CFDP1: variants seen among roughly 807,000 people sequenced by gnomAD.
CFDP1 encodes the protein chromatin remodeling protein CFDP1, also known as heterochromatin-stabilizing protein CFDP1.
Under a neutral mutation model 40.1 loss-of-function variants are expected in CFDP1, and 31 were observed. The observed-to-expected ratio is 0.77, with a 90% CI of 0.58 to 1.04. CFDP1 has a LOEUF of 1.04. CFDP1 is among the 50% of genes least tolerant of loss of function. The pLI, the probability that CFDP1 is intolerant of heterozygous loss-of-function variation, is 0.00. For synonymous variants in CFDP1, 167 were observed against 120.0 expected (o/e 1.39, Z -2.56); for missense variants, 423 against 343.4 (o/e 1.23, Z -1.83).
At chr16:75,309,075 A>G (rs1222684652) in intron 5 of CFDP1, among the ~76,000 whole-genome samples, 2 of 152,180 alleles carry the variant, frequency 1.3e-5, no homozygotes, top group African/African-American at 4.8e-5. Context: ...TGAATGACAC[A>G]CTGATAGCAG....
At chr16:75,334,934 G>A (rs773052180) in intron 5 of CFDP1, among the ~76,000 whole-genome samples, 11 of 150,290 alleles carry the variant, frequency 7.3e-5, no homozygotes, top group African/African-American at 1.2e-4. Context: ...CAGCCTGGGC[G>A]ACAAAGCGAG....
chr16:75,328,640 C>A (rs1597334483), intron 5 of CFDP1, among the ~76,000 whole-genome samples: 2 of 137,912 alleles, frequency 1.5e-5, no homozygotes, highest in African/African-American at 2.7e-5. Context: ...TGGAGGAAGT[C>A]AATAAATACT....
chr16:75,420,989 T>G (rs2079272734), intron 1 of CFDP1, among the ~76,000 whole-genome samples: 1 of 152,206 alleles, frequency 6.6e-6, no homozygotes. Context: ...TAGATGCACA[T>G]GACTCTGGAT....
chr16:75,376,744 T>C (rs1386285747), intron 5 of CFDP1, among the ~76,000 whole-genome samples: 1 of 151,916 alleles, frequency 6.6e-6, no homozygotes, highest in Admixed American at 6.6e-5. Context: ...CTAAAACAGG[T>C]ATGGGGCAGA....
At chr16:75,313,678 C>T (rs1036154068) in intron 5 of CFDP1, among the ~76,000 whole-genome samples, 7 of 152,202 alleles carry the variant, frequency 4.6e-5, no homozygotes, top group Non-Finnish European at 1.0e-4. Context: ...TCCACTCTTG[C>T]TTCTGAGGGA....
At chr16:75,379,262 G>A (rs536711582) in intron 5 of CFDP1, among the ~76,000 whole-genome samples, 24 of 151,502 alleles carry the variant, frequency 1.6e-4, no homozygotes, top group African/African-American at 5.8e-4. Context: ...AAAACATAAA[G>A]GGAAAGATCA....
In CFDP1 at chr16:75,433,367, A is replaced by T; in HGVS notation, c.-15T>A. 1 of 1,582,084 alleles carries T rather than the reference A, an allele frequency of 6.3e-7. No individual in the cohort carries two copies. Among genetic ancestry groups the T allele is most frequent in the African/African-American group, 1.3e-5 (1 of 74,396 alleles). On this transcript the variant is annotated 5_prime_UTR_variant, in exon 1 of 7. Transcript: ENST00000283882. ...AATTCCTCCATGTTGCTGCCGCTCG[A>T]CGCTGGTCAAACTCACAAGACCGCA...
chr16:75,295,583 G>A (rs767931105), intron 6 of CFDP1, among the ~76,000 whole-genome samples: 21 of 152,162 alleles, frequency 1.4e-4, no homozygotes, highest in Non-Finnish European at 2.8e-4. Flanking sequence ...CTGGACTTAT[G>A]GTTTCAGCAA....
At chr16:75,419,601 G>C (rs2079253317) in intron 1 of CFDP1, among the ~76,000 whole-genome samples, 1 of 152,162 alleles carries the variant, frequency 6.6e-6, no homozygotes, top group South Asian at 2.1e-4. Flanking sequence ...AACCTGCTGG[G>C]ATGCATTCCC....
intron 5 of CFDP1, among the ~76,000 whole-genome samples, chr16:75,346,797 A>C (rs1040020730): frequency 1.3e-5 from 2 of 150,942 alleles, no homozygotes; most frequent in African/African-American, 4.9e-5. Flanking sequence ...ATTTTGCCCC[A>C]TTCCTCTTCT....
chr16:75,318,642 G>A (rs2078341914), intron 5 of CFDP1, among the ~76,000 whole-genome samples: 2 of 152,032 alleles, frequency 1.3e-5, no homozygotes, highest in Non-Finnish European at 2.9e-5. Flanking sequence ...CTGACCTTGT[G>A]ATCCGCCCGC....
chr16:75,330,356 G>T (rs558283442), intron 5 of CFDP1, among the ~76,000 whole-genome samples: 3 of 152,334 alleles, frequency 2.0e-5, no homozygotes, highest in East Asian at 3.9e-4. Flanking sequence ...GGAGGCCAAG[G>T]CAGGTGGATC....
At chr16:75,393,737 CAAAAAAAAAAAAAAAAAAAAA>C (rs61344775) in intron 5 of CFDP1, among the ~76,000 whole-genome samples, 16,614 of 80,442 alleles carry the variant, frequency 0.21, 2,249 homozygotes, top group Middle Eastern at 0.27. Flanking sequence ...GACTCCGTCG[CAAAAAAAAAAAAAAAAAAAAA>C]AAAAAAAAAA....
At chr16:75,368,517 G>A (rs1017108493) in intron 5 of CFDP1, among the ~76,000 whole-genome samples, 3 of 151,888 alleles carry the variant, frequency 2.0e-5, no homozygotes, top group African/African-American at 7.3e-5. Context: ...AAATAAAAGG[G>A]GTATAGTAAT....
At chr16:75,376,453 G>A (rs558510684) in intron 5 of CFDP1, among the ~76,000 whole-genome samples, 2 of 152,122 alleles carry the variant, frequency 1.3e-5, no homozygotes, top group South Asian at 2.1e-4. Flanking sequence ...TCAAATACAT[G>A]TTCTTTCACT....
chr16:75,319,010 C>T (rs573725623), intron 5 of CFDP1, among the ~76,000 whole-genome samples: 1 of 152,296 alleles, frequency 6.6e-6, no homozygotes, highest in East Asian at 1.9e-4. Context: ...GAGCCGAACA[C>T]ATTTTGCAAA....
intron 1 of CFDP1, among the ~76,000 whole-genome samples, chr16:75,425,211 G>A (rs919965192): frequency 6.6e-6 from 1 of 151,920 alleles, no homozygotes; most frequent in African/African-American, 2.4e-5. Context: ...TTCGAGAGAT[G>A]AACAAAGTGA....
intron 4 of CFDP1, among the ~76,000 whole-genome samples, chr16:75,411,445 T>A (rs899890082): frequency 6.6e-6 from 1 of 152,102 alleles, no homozygotes; most frequent in African/African-American, 2.4e-5. Context: ...CAAATTTCTC[T>A]CCTTGTATTT....
chr16:75,337,711 A>AGTGGCACCTGTGC (rs2078499154), intron 5 of CFDP1, among the ~76,000 whole-genome samples: 1 of 152,084 alleles, frequency 6.6e-6, no homozygotes, highest in African/African-American at 2.4e-5. Flanking sequence ...ACACTTTTAA[A>AGTGGCACCTGTGC]CAACCAAATC....
Sources: gnomAD v4.1 joint callset for allele counts (sites outside exome capture counted in the v4.1 genomes callset) on GRCh38, gnomAD v4.1.1 for gene constraint, MANE v1.5 for transcripts, NCBI Gene and HGNC (gene_info 2026-07-23, HGNC 2026-07-21) for gene names.